PAPPA2: variants seen among roughly 807,000 people sequenced by gnomAD.
PAPPA2 encodes the protein pappalysin-2.
In PAPPA2, 86 loss-of-function variants were observed where a neutral mutation model predicts 176.4. That is an observed-to-expected ratio of 0.49 (90% CI 0.41 to 0.58). The LOEUF (loss-of-function observed/expected upper bound fraction) is 0.58, where lower values mean the gene tolerates loss of function less well. PAPPA2 is among the 20% of genes least tolerant of loss of function. The pLI is 0.00. For missense variants in PAPPA2, 2,073 were observed against 2,256.9 expected (o/e 0.92, Z 1.65); for synonymous variants, 809 against 852.2 (o/e 0.95, Z 0.88).
chr1:176,657,479 G>A (rs1235699547), intron 3 of PAPPA2, among the ~76,000 whole-genome samples: 1 of 151,976 alleles, frequency 6.6e-6, no homozygotes, highest in Non-Finnish European at 1.5e-5. Context: ...TCTTGAGAAA[G>A]CGTGGAGTTT....
chr1:176,493,405 T>A (rs1278036832), intron 1 of PAPPA2, among the ~76,000 whole-genome samples: 1 of 152,192 alleles, frequency 6.6e-6, no homozygotes, highest in Non-Finnish European at 1.5e-5. Flanking sequence ...ATTAAAGTAT[T>A]GAATTGACAG....
intron 1 of PAPPA2, among the ~76,000 whole-genome samples, chr1:176,477,531 G>A (rs1652187469): frequency 6.6e-6 from 1 of 152,130 alleles, no homozygotes; most frequent in Non-Finnish European, 1.5e-5. Context: ...CAGATCATGA[G>A]GTCAGGAGAT....
chr1:176,773,904 C>T (rs1391164522), intron 17 of PAPPA2, among the ~76,000 whole-genome samples: 1 of 152,124 alleles, frequency 6.6e-6, no homozygotes, highest in African/African-American at 2.4e-5. Flanking sequence ...AGCTTTGTCT[C>T]ATTCTACCCA....
chr1:176,508,738 C>T (rs1329181518), intron 1 of PAPPA2, among the ~76,000 whole-genome samples: 1 of 151,948 alleles, frequency 6.6e-6, no homozygotes, highest in Non-Finnish European at 1.5e-5. Flanking sequence ...TTCTCCCTTG[C>T]TGTTCTCATG....
intron 1 of PAPPA2, among the ~76,000 whole-genome samples, chr1:176,531,446 G>C (rs1003241046): frequency 5.9e-5 from 9 of 152,294 alleles, no homozygotes; most frequent in African/African-American, 2.2e-4. Flanking sequence ...ATTATATTCT[G>C]AGAATTAATC....
At chr1:176,542,320 A>G (rs1395437735) in intron 1 of PAPPA2, among the ~76,000 whole-genome samples, 1 of 152,228 alleles carries the variant, frequency 6.6e-6, no homozygotes, top group African/African-American at 2.4e-5. Flanking sequence ...GTATGGTGAG[A>G]AATGATATCA....
intron 11 of PAPPA2, among the ~76,000 whole-genome samples, chr1:176,711,076 C>A (rs567523912): frequency 6.6e-6 from 1 of 152,264 alleles, no homozygotes; most frequent in South Asian, 2.1e-4. Context: ...GAAGTTCCAC[C>A]CGCCTCTTAC....
At chr1:176,560,167 G>GT (rs71129576) in intron 2 of PAPPA2, among the ~76,000 whole-genome samples, 26,433 of 152,102 alleles carry the variant, frequency 0.17, 2,543 homozygotes, top group African/African-American at 0.26. Context: ...TTATGCAAGT[G>GT]TTTTTTGCGG....
In PAPPA2 at chr1:176,562,341, C is replaced by A. The variant is rs1651723847; in HGVS notation, c.919+5100C>A. ...GTCATCCACATAGAATATGGAGCTT[C>A]ATAGAAGGCAGATTCACGTAGATGT... On this transcript the variant is annotated intron_variant, in intron 2 of 22. Transcript: ENST00000367662. Among the ~76,000 whole-genome samples the A allele has an allele frequency of 2.0e-5, 3 of 152,216 alleles. No individual in the cohort carries two copies. The South Asian group carries it at 6.2e-4, about 32-fold the overall frequency.
chr1:176,546,240 G>A (rs1469949317), intron 1 of PAPPA2, among the ~76,000 whole-genome samples: 2 of 152,094 alleles, frequency 1.3e-5, no homozygotes, highest in Non-Finnish European at 2.9e-5. Context: ...AGTGATTTTT[G>A]CTACCCATTT....
At chr1:176,632,555 G>A (rs1223390120) in intron 3 of PAPPA2, among the ~76,000 whole-genome samples, 1 of 152,058 alleles carries the variant, frequency 6.6e-6, no homozygotes, top group Non-Finnish European at 1.5e-5. Flanking sequence ...AAAAAAGAAA[G>A]TGAAGACTGA....
intron 1 of PAPPA2, among the ~76,000 whole-genome samples, chr1:176,489,379 T>TCCAAGGC (rs1051655819): frequency 9.2e-5 from 14 of 152,298 alleles, no homozygotes; most frequent in African/African-American, 3.4e-4. Context: ...GGCTGCAGTC[T>TCCAAGGC]CCAAGGCCTT....
At chr1:176,491,983 A>G (rs1647315803) in intron 1 of PAPPA2, among the ~76,000 whole-genome samples, 1 of 152,210 alleles carries the variant, frequency 6.6e-6, no homozygotes, top group Non-Finnish European at 1.5e-5. Context: ...AGGCTCTTTA[A>G]TTCTGGGAAA....
intron 1 of PAPPA2, among the ~76,000 whole-genome samples, chr1:176,477,414 G>A (rs962743823): frequency 6.6e-6 from 1 of 152,152 alleles, no homozygotes; most frequent in African/African-American, 2.4e-5. Flanking sequence ...CTAAATACAT[G>A]TGATATACTC....
At chr1:176,704,493 A>G (rs1357412614) in intron 9 of PAPPA2, among the ~76,000 whole-genome samples, 1 of 152,226 alleles carries the variant, frequency 6.6e-6, no homozygotes, top group Admixed American at 6.5e-5. Context: ...TAATCATTTC[A>G]ATCTGTGCTG....
chr1:176,775,095 C>T (rs947694905), intron 17 of PAPPA2, among the ~76,000 whole-genome samples: 4 of 152,122 alleles, frequency 2.6e-5, no homozygotes, highest in African/African-American at 9.7e-5. Context: ...TAGGACTCCT[C>T]TCATAGGCTG....
chr1:176,501,054 TTAA>T (rs1159588566), intron 1 of PAPPA2, among the ~76,000 whole-genome samples: 1 of 148,582 alleles, frequency 6.7e-6, no homozygotes, highest in Non-Finnish European at 1.5e-5. Flanking sequence ...ATACAATATA[TTAA>T]TAAGTATATA....
intron 21 of PAPPA2, among the ~76,000 whole-genome samples, chr1:176,818,555 C>G (rs917550583): frequency 6.6e-6 from 1 of 151,964 alleles, no homozygotes; most frequent in African/African-American, 2.4e-5. Flanking sequence ...TCTATTAGCT[C>G]TACCTTTAAA....
At chr1:176,792,581 T>C (rs1311256101) in intron 19 of PAPPA2, among the ~76,000 whole-genome samples, 1 of 152,192 alleles carries the variant, frequency 6.6e-6, no homozygotes, top group Non-Finnish European at 1.5e-5. Context: ...GGAATGTAGT[T>C]CTTTTGATTG....
Sources: gnomAD v4.1 joint callset for allele counts (sites outside exome capture counted in the v4.1 genomes callset) on GRCh38, gnomAD v4.1.1 for gene constraint, MANE v1.5 for transcripts, NCBI Gene and HGNC (gene_info 2026-07-23, HGNC 2026-07-21) for gene names.